The following HIBCH variants were observed in gnomAD, a reference collection of about 807,000 sequenced individuals.
HIBCH encodes the protein 3-hydroxyisobutyryl-CoA hydrolase, mitochondrial.
In HIBCH, 50 loss-of-function variants were observed where a neutral mutation model predicts 58.2. That is an observed-to-expected ratio of 0.86 (90% CI 0.68 to 1.09). The LOEUF (loss-of-function observed/expected upper bound fraction) is 1.09. HIBCH is among the 50% of genes least tolerant of loss of function. The pLI, the probability that HIBCH is intolerant of heterozygous loss-of-function variation, is 0.00. For missense variants in HIBCH, 450 were observed against 449.7 expected, an observed-to-expected ratio of 1.00 and a Z score of -0.01; for synonymous variants, 151 against 146.9, an observed-to-expected ratio of 1.03 and a Z score of -0.20.
At chr2:190,194,702 C>G (rs1426662333) in intron 1 of HIBCH, among the ~76,000 whole-genome samples, 1 of 152,180 alleles carries the variant, frequency 6.6e-6, no homozygotes, top group Non-Finnish European at 1.5e-5. Flanking sequence ...TCAGCCTCTT[C>G]CATAACCCTT....
intron 4 of HIBCH, 41 bp downstream of exon 4, chr2:190,294,505 T>C (rs753391189): frequency 4.8e-6 from 6 of 1,259,120 alleles, no homozygotes; most frequent in South Asian, 3.6e-5. Context: ...TCAGTTCTAG[T>C]AGGGGGAAAG....
rs750012707 is a variant in HIBCH at position 190,205,240 on chromosome 2, G to A, written c.1046-8C>T. 3.3e-5 allele frequency: 46 copies of A among 1,396,000 alleles called. No individual in the cohort carries two copies. The highest frequency in any genetic ancestry group is 4.5e-5 in the Non-Finnish European group (44 of 982,396). 86.5% of individuals were successfully genotyped at this position (1,396,000 alleles called of 1,614,324 possible). On this transcript the variant is annotated splice_region_variant and splice_polypyrimidine_tract_variant and intron_variant, in intron 13 of 13. Transcript: ENST00000359678. ...GGTCTTTATCAATTAAAACTGTCAA[G>A]AGAAGATACAAATGTTAATACCATT...
In HIBCH at chr2:190,197,966, C is replaced by G. The variant is rs1052332286; in HGVS notation, c.*17+7134G>C. On this transcript the variant is annotated intron_variant, in intron 1 of 1. Coordinates refer to the HIBCH transcript ENST00000399855. The surrounding 1 kb of genome is among the most constrained non-coding windows in gnomAD (Gnocchi z 4.0). ...GTCCAATTCCCTTAACCATCCCTCA[C>G]AGTAAAAACTAGACACTATGAAAAA... 1.3e-5 allele frequency among the ~76,000 whole-genome samples: 2 copies of G among 152,172 alleles called. No homozygotes were observed. Among genetic ancestry groups the G allele is most frequent in the Non-Finnish European group, 2.9e-5 (2 of 68,036 alleles).
intron 6 of HIBCH, among the ~76,000 whole-genome samples, chr2:190,267,747 T>C (rs1359782238): frequency 1.3e-5 from 2 of 152,202 alleles, no homozygotes; most frequent in African/African-American, 4.8e-5. Context: ...CTGAATAAAG[T>C]TTGAAACAGA....
Position 190,204,828 on chromosome 2 carries a change from T to G in HIBCH, c.*289A>C. Reference sequence around the variant, plus strand: ...CTGACAAAAACCAGACAGTAAATAATTAGGCTTTGTAGGCTTTACCATCTC... The same window carrying G: ...CTGACAAAAACCAGACAGTAAATAAGTAGGCTTTGTAGGCTTTACCATCTC... On this transcript the variant is annotated 3_prime_UTR_variant, in exon 14 of 14. Coordinates refer to ENST00000359678, the MANE Select transcript of HIBCH (RefSeq NM_014362.4). The G allele has an allele frequency of 3.3e-6, 1 of 303,994 alleles. No homozygotes were observed. 18.8% of individuals were successfully genotyped at this position (303,994 alleles called of 1,614,324 possible).
intron 2 of HIBCH, among the ~76,000 whole-genome samples, chr2:190,308,956 T>C (rs1011975646): frequency 6.6e-6 from 1 of 152,188 alleles, no homozygotes; most frequent in Non-Finnish European, 1.5e-5. Context: ...CATTTGGGCA[T>C]GTTACTTAGC....
intron 1 of HIBCH, among the ~76,000 whole-genome samples, chr2:190,191,165 TCTCA>T (rs1482414555): frequency 6.6e-6 from 1 of 152,002 alleles, no homozygotes; most frequent in Non-Finnish European, 1.5e-5. Flanking sequence ...TGAGATGGAG[TCTCA>T]CTCTGTCACC....
intron 11 of HIBCH, among the ~76,000 whole-genome samples, chr2:190,219,482 T>C (rs149871285): frequency 1.3e-5 from 2 of 152,150 alleles, no homozygotes; most frequent in African/African-American, 4.8e-5. Context: ...ACCAAAGAAT[T>C]TGAGTCTAAA....
chr2:190,310,977 C>T (rs1236382578), intron 1 of HIBCH, 181 bp from the exon 2 acceptor site: 3 of 700,582 alleles, frequency 4.3e-6, no homozygotes, highest in Non-Finnish European at 7.9e-6. Context: ...CCACTTTGCA[C>T]ATGAATTTTA....
At chr2:190,235,953 CCATT>C (rs1160775559) in intron 11 of HIBCH, among the ~76,000 whole-genome samples, 14 of 152,194 alleles carry the variant, frequency 9.2e-5, no homozygotes, top group African/African-American at 3.4e-4. Flanking sequence ...TGCTGTGGCA[CCATT>C]CATTCATTCA....
In HIBCH at chr2:190,313,643, C is replaced by CAAAAAAAAAAA. The variant is rs546101154; in HGVS notation, c.36-2858_36-2848dup. Among the ~76,000 whole-genome samples the CAAAAAAAAAAA allele has an allele frequency of 1.0e-4, 8 of 78,890 alleles. 2 individuals are homozygous for CAAAAAAAAAAA. The highest frequency in any genetic ancestry group is 1.4e-4 in the Non-Finnish European group (6 of 43,712). The allele number at this position is 78,890 out of a possible 152,430, so 51.8% of individuals were successfully genotyped here. A position where few individuals can be genotyped will look rare whatever the true frequency, so the allele number is the denominator to read the frequency against. ...CTGGGTGACAAGAGACTCTGTCTCA[C>CAAAAAAAAAAA]AAAAAAAAAAAAAAAAAAAAAGGAA... On this transcript the variant is annotated intron_variant, in intron 1 of 13. Transcript: ENST00000359678.
Position 190,210,254 on chromosome 2 carries a change from G to A in HIBCH, c.1012-1341C>T, listed in dbSNP as rs183416846. ...GCTTGCCAAAACCACCCATGACATC[G>A]GCATCGCCAAGGTCAAATGACACTT... On this transcript the variant is annotated intron_variant, in intron 12 of 13. Coordinates refer to ENST00000359678, the MANE Select transcript of HIBCH (RefSeq NM_014362.4). The surrounding 1 kb of genome is among the most constrained non-coding windows in gnomAD (Gnocchi z 5.5). 2.6e-5 allele frequency among the ~76,000 whole-genome samples: 4 copies of A among 152,026 alleles called. No homozygotes were observed. The highest frequency in any genetic ancestry group is 1.9e-4 in the East Asian group (1 of 5,166).
intron 2 of HIBCH, among the ~76,000 whole-genome samples, chr2:190,300,310 AT>A (rs1284913866): frequency 6.6e-6 from 1 of 152,138 alleles, no homozygotes; most frequent in Admixed American, 6.5e-5. Context: ...TTTTCTGCAC[AT>A]CCTCACCAGC....
At position 190,254,155 on chromosome 2, in the gene HIBCH, C is replaced by T. The variant is rs1251899507; in HGVS notation, c.518-1848G>A. Among the ~76,000 whole-genome samples, 1 of 152,112 alleles carries T rather than the reference C, an allele frequency of 6.6e-6. No homozygotes were observed. Among genetic ancestry groups the T allele is most frequent in the Non-Finnish European group, 1.5e-5 (1 of 68,040 alleles). ...ACTGCATTGTGTCCTTCCAAAAAGTCCTATGTTGAAGCCCTAACCCTCGAT... is the reference window on the plus strand; with the variant it reads ...ACTGCATTGTGTCCTTCCAAAAAGTTCTATGTTGAAGCCCTAACCCTCGAT... On this transcript the variant is annotated intron_variant, in intron 7 of 13. Coordinates refer to ENST00000359678, the MANE Select transcript of HIBCH (RefSeq NM_014362.4). The surrounding 1 kb of genome is among the most constrained non-coding windows in gnomAD (Gnocchi z 5.0).
At chr2:190,262,601 G>A (rs976812982) in intron 6 of HIBCH, among the ~76,000 whole-genome samples, 1 of 152,128 alleles carries the variant, frequency 6.6e-6, no homozygotes, top group Non-Finnish European at 1.5e-5. Flanking sequence ...ACATCTTCTG[G>A]AATCTTCATT....
rs1221163153 is a variant in HIBCH at position 190,215,746 on chromosome 2, G to C, written c.892-2671C>G. ...AGGGGAGGAAACAGCAAACGTAGAGGGCCAGAGAAAGAGTTAAGCTGCTGA... is the reference window on the plus strand; with the variant it reads ...AGGGGAGGAAACAGCAAACGTAGAGCGCCAGAGAAAGAGTTAAGCTGCTGA... On this transcript the variant is annotated intron_variant, in intron 11 of 13. Transcript: ENST00000359678. The surrounding 1 kb of genome is among the most constrained non-coding windows in gnomAD (Gnocchi z 4.4). The C allele has an allele frequency of 1.3e-5, 2 of 152,316 alleles. No individual in the cohort carries two copies. The highest frequency in any genetic ancestry group is 4.8e-5 in the African/African-American group (2 of 41,460). The allele number at this position is 152,316 out of a possible 1,614,324, so 9.4% of individuals were successfully genotyped here.
intron 1 of HIBCH, among the ~76,000 whole-genome samples, chr2:190,193,680 T>C (rs1479032874): frequency 2.6e-5 from 4 of 152,188 alleles, no homozygotes; most frequent in Admixed American, 6.5e-5. Flanking sequence ...ATAGATGTCA[T>C]AATGCCCATT....
chr2:190,262,436 C>T (rs1200321685), intron 6 of HIBCH, among the ~76,000 whole-genome samples: 1 of 152,116 alleles, frequency 6.6e-6, no homozygotes, highest in East Asian at 1.9e-4. Flanking sequence ...GTCTCTTCAC[C>T]ACATTTTCAG....
intron 4 of HIBCH, among the ~76,000 whole-genome samples, chr2:190,291,927 T>C (rs571399536): frequency 6.6e-6 from 1 of 152,348 alleles, no homozygotes; most frequent in East Asian, 1.9e-4. Context: ...TATGGGAAAG[T>C]ATTACATACA....
Sources: allele counts gnomAD v4.1 joint callset (sites outside exome capture counted in the v4.1 genomes callset), GRCh38; gene constraint gnomAD v4.1.1; non-coding constraint Gnocchi (gnomAD v3.1); transcripts MANE v1.5; gene names NCBI Gene and HGNC (gene_info 2026-07-23, HGNC 2026-07-21).